Variants in RGS7 observed in about 807,000 individuals in gnomAD.
The protein encoded by RGS7 is regulator of G-protein signaling 7.
RGS7 carries 27 observed loss-of-function variants against 81.1 expected under a neutral mutation model. The observed-to-expected ratio is 0.33, with a 90% CI of 0.25 to 0.46. The LOEUF (loss-of-function observed/expected upper bound fraction) is 0.46, where lower values mean the gene tolerates loss of function less well. Among genes scored for constraint, RGS7 ranks in the 20% least tolerant of loss-of-function variants. RGS7 has a pLI of 1.00. For missense variants in RGS7, 396 were observed against 607.4 expected (o/e 0.65, Z 3.66); for synonymous variants, 208 against 207.7 (o/e 1.00, Z -0.01).
chr1:241,295,562 G>A (rs771758972), intron 2 of RGS7, among the ~76,000 whole-genome samples: 2 of 152,122 alleles, frequency 1.3e-5, no homozygotes, highest in African/African-American at 2.4e-5. Context: ...AAGACAAGTC[G>A]GTAAGAAAAC....
intron 3 of RGS7, among the ~76,000 whole-genome samples, chr1:241,044,491 T>G (rs914306609): frequency 3.3e-5 from 5 of 152,200 alleles, no homozygotes; most frequent in African/African-American, 1.2e-4. Context: ...GGCACAATCA[T>G]AGCTCACTGT....
At chr1:240,808,422 T>C (rs1266915716) in intron 14 of RGS7, among the ~76,000 whole-genome samples, 1 of 152,210 alleles carries the variant, frequency 6.6e-6, no homozygotes, top group African/African-American at 2.4e-5. Context: ...ACCTACACTG[T>C]TATGTAAGTG....
intron 6 of RGS7, among the ~76,000 whole-genome samples, chr1:240,888,322 T>TTA (rs1667719428): frequency 2.0e-5 from 3 of 151,944 alleles, no homozygotes; most frequent in Admixed American, 2.0e-4. Context: ...AGTAAAGGGG[T>TTA]CTTATGTGGG....
At position 240,973,113 on chromosome 1, in the gene RGS7, T is replaced by C. The variant is rs142063000; in HGVS notation, c.226+9966A>G. On this transcript the variant is annotated intron_variant, in intron 4 of 18. Coordinates refer to ENST00000440928, the MANE Select transcript of RGS7 (RefSeq NM_001364886.1). ...TACCTACTGTGCTTTTATTTCAAGG[T>C]TTTTGTGTGACTTTAGATATTCACA... Among the ~76,000 whole-genome samples the C allele has an allele frequency of 3.4e-3, 524 of 152,096 alleles. 6 individuals carry two copies. The highest frequency in any genetic ancestry group is 0.012 in the African/African-American group (481 of 41,490).
At chr1:240,945,254 C>T (rs7529059) in intron 4 of RGS7, among the ~76,000 whole-genome samples, 8,578 of 152,230 alleles carry the variant, frequency 0.056, 618 homozygotes, top group African/African-American at 0.17. Context: ...TAGCCCAATA[C>T]GAAATATAAA....
rs2060238780 is a variant in RGS7 at position 241,034,558 on chromosome 1, ACAG to A, written c.176-51432_176-51430del. On this transcript the variant is annotated intron_variant, in intron 3 of 18. Transcript: ENST00000440928. ...CCATTTGATGACAAAGAGTCATGAG[ACAG>A]CTACACAGCTCCTCTTCAAAAGGAA... Among the ~76,000 whole-genome samples the A allele has an allele frequency of 2.0e-5, 3 of 152,260 alleles. No individual in the cohort carries two copies. In the South Asian group the frequency reaches 6.2e-4, roughly 32 times the overall value.
intron 4 of RGS7, among the ~76,000 whole-genome samples, chr1:240,942,599 A>G (rs930072518): frequency 6.6e-6 from 1 of 152,186 alleles, no homozygotes; most frequent in Admixed American, 6.5e-5. Context: ...GGGGAGAAAT[A>G]TTTTAAAAGA....
chr1:240,979,690 T>C (rs1684650391), intron 4 of RGS7, among the ~76,000 whole-genome samples: 1 of 152,274 alleles, frequency 6.6e-6, no homozygotes, highest in Non-Finnish European at 1.5e-5. Context: ...CAACAGCGTG[T>C]AGATGCAGAA....
chr1:240,860,894 C>T (rs1662077656), intron 9 of RGS7, among the ~76,000 whole-genome samples: 1 of 152,190 alleles, frequency 6.6e-6, no homozygotes. Context: ...CATGTCATCA[C>T]ACTCAGCATG....
At chr1:240,869,081 G>T (rs1664012427) in intron 7 of RGS7, among the ~76,000 whole-genome samples, 1 of 152,044 alleles carries the variant, frequency 6.6e-6, no homozygotes, top group Non-Finnish European at 1.5e-5. Context: ...TTGAATTACT[G>T]ACTTTGGAGA....
intron 2 of RGS7, among the ~76,000 whole-genome samples, chr1:241,237,576 A>T (rs943640346): frequency 3.9e-5 from 6 of 152,222 alleles, no homozygotes; most frequent in Non-Finnish European, 8.8e-5. Flanking sequence ...TAGGAAGATA[A>T]ATTGTAAAAG....
chr1:241,302,340 G>C (rs1357284987), intron 2 of RGS7, among the ~76,000 whole-genome samples: 1 of 152,162 alleles, frequency 6.6e-6, no homozygotes, highest in Non-Finnish European at 1.5e-5. Flanking sequence ...ATGAGGTCAG[G>C]AGATCGAGAC....
chr1:241,147,581 T>C (rs1159768720), intron 2 of RGS7, among the ~76,000 whole-genome samples: 1 of 151,762 alleles, frequency 6.6e-6, no homozygotes, highest in African/African-American at 2.4e-5. Flanking sequence ...AAATAGAAGA[T>C]GGTTAGAAAA....
At chr1:241,103,991 G>A (rs889694935) in intron 2 of RGS7, among the ~76,000 whole-genome samples, 11 of 152,318 alleles carry the variant, frequency 7.2e-5, no homozygotes, top group Admixed American at 5.2e-4. Flanking sequence ...CATTTAGGCC[G>A]GTTAGACCTG....
At chr1:240,993,975 C>T (rs1489780992) in intron 3 of RGS7, among the ~76,000 whole-genome samples, 1 of 152,120 alleles carries the variant, frequency 6.6e-6, no homozygotes, top group Non-Finnish European at 1.5e-5. Flanking sequence ...TGTCAAAAAT[C>T]CATTGTGTCT....
intron 3 of RGS7, among the ~76,000 whole-genome samples, chr1:241,091,371 A>T (rs982493171): frequency 5.9e-5 from 9 of 151,654 alleles, no homozygotes; most frequent in African/African-American, 2.2e-4. Context: ...ACACGGTGAA[A>T]CCCCGTCTCT....
chr1:240,853,311 T>C (rs1660442873), intron 9 of RGS7, among the ~76,000 whole-genome samples: 1 of 152,224 alleles, frequency 6.6e-6, no homozygotes, highest in South Asian at 2.1e-4. Flanking sequence ...GAATTGCTTC[T>C]TCAAGATAAC....
intron 2 of RGS7, among the ~76,000 whole-genome samples, chr1:241,177,105 TAC>T (rs1229036314): frequency 6.6e-6 from 1 of 152,200 alleles, no homozygotes; most frequent in East Asian, 1.9e-4. Flanking sequence ...TCAAGAGTCT[TAC>T]ATTCTAGGGC....
At chr1:241,031,788 CTGTT>C (rs1488026119) in intron 3 of RGS7, among the ~76,000 whole-genome samples, 7 of 152,084 alleles carry the variant, frequency 4.6e-5, no homozygotes, top group Non-Finnish European at 5.9e-5. Flanking sequence ...TGAAAAATGT[CTGTT>C]TGTGCCCTCT....
Sources: gnomAD v4.1 joint callset for allele counts (sites outside exome capture counted in the v4.1 genomes callset) on GRCh38, gnomAD v4.1.1 for gene constraint, MANE v1.5 for transcripts, NCBI Gene and HGNC (gene_info 2026-07-23, HGNC 2026-07-21) for gene names.